The following BMPER variants were observed in gnomAD, a reference collection of about 807,000 sequenced individuals.
BMPER encodes BMP binding endothelial regulator, also known as BMP-binding endothelial regulator protein.
BMPER carries 45 observed loss-of-function variants against 87.3 expected under a neutral mutation model. The observed-to-expected ratio is 0.52, with a 90% CI of 0.41 to 0.66. The LOEUF (loss-of-function observed/expected upper bound fraction) is 0.66, where lower values mean the gene tolerates loss of function less well. BMPER is among the 30% of genes least tolerant of loss of function. BMPER has a pLI of 0.00. For missense variants in BMPER, 784 were observed against 867.5 expected, an observed-to-expected ratio of 0.90 and a Z score of 1.21; for synonymous variants, 326 against 316.2, an observed-to-expected ratio of 1.03 and a Z score of -0.33.
intron 3 of BMPER, among the ~76,000 whole-genome samples, chr7:33,941,532 C>G (rs1040826093): frequency 6.6e-6 from 1 of 152,064 alleles, no homozygotes; most frequent in African/African-American, 2.4e-5. Context: ...GCTTGTTTTC[C>G]TGTGAGTAGA....
At chr7:34,149,160 C>T (rs556830639) in intron 14 of BMPER, among the ~76,000 whole-genome samples, 1 of 152,248 alleles carries the variant, frequency 6.6e-6, no homozygotes, top group South Asian at 2.1e-4. Flanking sequence ...ACTGCGGGTA[C>T]TTGTCACAGT....
chr7:34,023,180 A>G (rs942236516), intron 6 of BMPER, among the ~76,000 whole-genome samples: 2 of 152,106 alleles, frequency 1.3e-5, no homozygotes, highest in African/African-American at 2.4e-5. Context: ...AGTGATAGAT[A>G]ACTTGTTGAC....
At chr7:33,933,984 GA>G (rs1784541947) in intron 2 of BMPER, among the ~76,000 whole-genome samples, 1 of 152,180 alleles carries the variant, frequency 6.6e-6, no homozygotes, top group Non-Finnish European at 1.5e-5. Context: ...AACACACAGA[GA>G]ATGAGTTCAG....
At chr7:34,056,235 T>A (rs1467426635) in intron 9 of BMPER, among the ~76,000 whole-genome samples, 1 of 152,042 alleles carries the variant, frequency 6.6e-6, no homozygotes, top group Non-Finnish European at 1.5e-5. Flanking sequence ...TAGGGCCTGT[T>A]GGGGGGTAGG....
chr7:34,078,792 C>T, intron 11 of BMPER, 65 bp from the exon 12 acceptor site: 1 of 1,542,032 alleles, frequency 6.5e-7, no homozygotes, highest in Non-Finnish European at 9.0e-7. Flanking sequence ...AGCAGGTGCC[C>T]CTGATTTCTC....
At chr7:34,094,289 A>G (rs1268673037) in intron 13 of BMPER, among the ~76,000 whole-genome samples, 1 of 152,230 alleles carries the variant, frequency 6.6e-6, no homozygotes, top group Non-Finnish European at 1.5e-5. Flanking sequence ...ATCATTGCCT[A>G]GTGTGGGCAG....
At chr7:33,955,585 G>A (rs541493932) in intron 3 of BMPER, among the ~76,000 whole-genome samples, 4 of 152,182 alleles carry the variant, frequency 2.6e-5, no homozygotes, top group Non-Finnish European at 5.9e-5. Context: ...GCAAACATAG[G>A]CCGGCTTCAT....
intron 2 of BMPER, among the ~76,000 whole-genome samples, chr7:33,908,602 A>G (rs559686139): frequency 1.3e-5 from 2 of 152,336 alleles, no homozygotes; most frequent in African/African-American, 4.8e-5. Flanking sequence ...AGTGGGAGTG[A>G]TATTTATTAC....
intron 11 of BMPER, among the ~76,000 whole-genome samples, chr7:34,078,455 G>A (rs1466871312): frequency 6.6e-6 from 1 of 152,226 alleles, no homozygotes; most frequent in South Asian, 2.1e-4. Flanking sequence ...TCATGCTAAT[G>A]TCTTGGTGTA....
At chr7:33,907,037 GT>G in intron 2 of BMPER, 134 bp downstream of exon 2, 1 of 867,264 alleles carries the variant, frequency 1.2e-6, no homozygotes, top group Non-Finnish European at 1.9e-6. Context: ...TACATAGTTT[GT>G]GAGTTGAATC....
intron 5 of BMPER, among the ~76,000 whole-genome samples, chr7:33,973,195 T>C (rs1399759516): frequency 6.6e-6 from 1 of 152,220 alleles, no homozygotes; most frequent in African/African-American, 2.4e-5. Flanking sequence ...TAGATTGTTG[T>C]AGTTAATCTG....
intron 6 of BMPER, among the ~76,000 whole-genome samples, chr7:34,002,105 G>T (rs985345657): frequency 3.3e-5 from 5 of 151,684 alleles, no homozygotes; most frequent in Non-Finnish European, 4.4e-5. Context: ...GGAGAATGTT[G>T]TATGTGTATT....
chr7:33,991,742 T>C (rs1786225263), intron 6 of BMPER, among the ~76,000 whole-genome samples: 1 of 150,694 alleles, frequency 6.6e-6, no homozygotes. Flanking sequence ...CTGCCTTCTC[T>C]TGTGGGCATT....
At chr7:34,134,969 A>G (rs369533204) in intron 13 of BMPER, among the ~76,000 whole-genome samples, 1 of 152,156 alleles carries the variant, frequency 6.6e-6, no homozygotes, top group Non-Finnish European at 1.5e-5. Flanking sequence ...AAAACAATCC[A>G]TAGCTTCAGA....
chr7:33,989,690 C>T (rs1786143863), intron 6 of BMPER, among the ~76,000 whole-genome samples: 2 of 152,140 alleles, frequency 1.3e-5, no homozygotes, highest in Non-Finnish European at 1.5e-5. Flanking sequence ...AGTCCTTGCC[C>T]ATGCCTGTGT....
chr7:34,145,847 A>C (rs1158868708), intron 14 of BMPER, among the ~76,000 whole-genome samples: 2 of 152,116 alleles, frequency 1.3e-5, no homozygotes, highest in South Asian at 2.1e-4. Context: ...TACACATTTC[A>C]TGTCAGCATC....
chr7:34,058,272 T>C, intron 10 of BMPER, 109 bp downstream of exon 10: 1 of 1,041,606 alleles, frequency 9.6e-7, no homozygotes, highest in East Asian at 2.6e-5. Context: ...CCCCAAAGCC[T>C]CTACATTCCT....
At chr7:33,922,087 G>T (rs1784246812) in intron 2 of BMPER, 1 of 307,514 alleles carries the variant, frequency 3.3e-6, no homozygotes, top group African/African-American at 2.2e-5. Flanking sequence ...TTCTTTCCCT[G>T]CTGAGGGAGA....
At chr7:34,137,161 C>T (rs901924443) in intron 13 of BMPER, among the ~76,000 whole-genome samples, 5 of 152,204 alleles carry the variant, frequency 3.3e-5, no homozygotes, top group African/African-American at 1.2e-4. Flanking sequence ...GCAGAATCCT[C>T]TCATCAAATC....
Sources: gnomAD v4.1 joint callset for allele counts (sites outside exome capture counted in the v4.1 genomes callset) on GRCh38, gnomAD v4.1.1 for gene constraint, MANE v1.5 for transcripts, NCBI Gene and HGNC (gene_info 2026-07-23, HGNC 2026-07-21) for gene names.